The following DIP2C variants were observed in gnomAD, a reference collection of about 807,000 sequenced individuals.
DIP2C encodes the protein disco-interacting protein 2 homolog C.
A neutral mutation model predicts 192.4 loss-of-function variants in DIP2C; 33 were observed. That is an observed-to-expected ratio of 0.17 (90% CI 0.13 to 0.23). The LOEUF is 0.23. DIP2C is among the 10% of genes least tolerant of loss of function. The pLI is 1.00. For missense variants in DIP2C, 1,537 were observed against 2,110.1 expected (o/e 0.73, Z 5.32); for synonymous variants, 979 against 864.1 (o/e 1.13, Z -2.33).
intron 18 of DIP2C, among the ~76,000 whole-genome samples, chr10:367,129 A>C (rs950979205): frequency 6.6e-6 from 1 of 152,242 alleles, no homozygotes; most frequent in Non-Finnish European, 1.5e-5. Flanking sequence ...AGAAAGATTC[A>C]CATTAAGGCC....
chr10:491,552 G>C (rs929420191), intron 1 of DIP2C, among the ~76,000 whole-genome samples: 13 of 152,188 alleles, frequency 8.5e-5, no homozygotes, highest in Non-Finnish European at 7.3e-5. Context: ...GACAGGGGCA[G>C]GAGGACCTGG....
At chr10:521,400 T>A (rs1846699679) in intron 1 of DIP2C, among the ~76,000 whole-genome samples, 1 of 152,118 alleles carries the variant, frequency 6.6e-6, no homozygotes, top group South Asian at 2.1e-4. Context: ...TAAGGAAAAC[T>A]CGTCAAAAAA....
chr10:453,603 C>A (rs1969034442), intron 3 of DIP2C, among the ~76,000 whole-genome samples: 1 of 152,162 alleles, frequency 6.6e-6, no homozygotes, highest in South Asian at 2.1e-4. Context: ...GAAGTGACGG[C>A]TTAAAATTTC....
intron 2 of DIP2C, among the ~76,000 whole-genome samples, chr10:474,332 A>C (rs568474603): frequency 7.2e-4 from 109 of 152,204 alleles, no homozygotes; most frequent in African/African-American, 2.6e-3. Flanking sequence ...ATGATTCTGG[A>C]GTTAATATTT....
chr10:296,021 C>A (rs1327507015), intron 32 of DIP2C, among the ~76,000 whole-genome samples: 1 of 152,142 alleles, frequency 6.6e-6, no homozygotes, highest in East Asian at 1.9e-4. Context: ...TGGATATTAG[C>A]CCTTTGTCAA....
chr10:513,216 T>C (rs1846137597), intron 1 of DIP2C, among the ~76,000 whole-genome samples: 1 of 152,212 alleles, frequency 6.6e-6, no homozygotes, highest in African/African-American at 2.4e-5. Context: ...TAGTCGTTCA[T>C]GTTAGAATTT....
At chr10:599,808 G>A (rs1396610456) in intron 1 of DIP2C, among the ~76,000 whole-genome samples, 1 of 152,140 alleles carries the variant, frequency 6.6e-6, no homozygotes, top group Non-Finnish European at 1.5e-5. Flanking sequence ...GGGACGAGCT[G>A]TGTTTTAAGC....
intron 2 of DIP2C, among the ~76,000 whole-genome samples, chr10:485,956 G>C (rs937985423): frequency 3.9e-5 from 6 of 152,216 alleles, no homozygotes; most frequent in Non-Finnish European, 8.8e-5. Context: ...TGCACACGTA[G>C]AAACGCTGGC....
intron 29 of DIP2C, among the ~76,000 whole-genome samples, chr10:334,380 A>G (rs1380224339): frequency 6.6e-6 from 1 of 151,074 alleles, no homozygotes; most frequent in Non-Finnish European, 1.5e-5. Context: ...TATAATTTGC[A>G]AATATTTTTT....
intron 6 of DIP2C, among the ~76,000 whole-genome samples, chr10:416,697 A>AT (rs556286878): frequency 3.4e-4 from 52 of 152,322 alleles, no homozygotes; most frequent in Admixed American, 1.6e-3. Context: ...AGGTTTTCAA[A>AT]TTTTAAGATA....
chr10:407,041 ACT>A (rs574081563), intron 9 of DIP2C, among the ~76,000 whole-genome samples: 9 of 151,710 alleles, frequency 5.9e-5, no homozygotes, highest in Non-Finnish European at 1.3e-4. Flanking sequence ...ATCCTTAAAA[ACT>A]CTGAACGATC....
intron 1 of DIP2C, among the ~76,000 whole-genome samples, chr10:494,138 T>A (rs886480380): frequency 6.6e-6 from 1 of 152,230 alleles, no homozygotes; most frequent in African/African-American, 2.4e-5. Context: ...ACACACTATG[T>A]GACCCCCTTC....
chr10:400,472 T>A (rs1964327439), intron 9 of DIP2C, among the ~76,000 whole-genome samples: 1 of 152,272 alleles, frequency 6.6e-6, no homozygotes, highest in South Asian at 2.1e-4. Flanking sequence ...AGGTTACTTG[T>A]ACATGTGGGG....
intron 4 of DIP2C, among the ~76,000 whole-genome samples, chr10:429,867 G>C (rs907489518): frequency 1.3e-5 from 2 of 152,110 alleles, no homozygotes; most frequent in Non-Finnish European, 2.9e-5. Context: ...TTTGTATGTA[G>C]ACGTAAGTTT....
Position 448,161 on chromosome 10 carries a change from G to A in DIP2C, c.269-7165C>T, listed in dbSNP as rs1338296315. 3.8e-3 allele frequency among the ~76,000 whole-genome samples: 250 copies of A among 65,498 alleles called. 1 individual carries two copies. The highest frequency in any genetic ancestry group is 7.2e-3 in the South Asian group (14 of 1,942). 43.0% of individuals were successfully genotyped at this position (65,498 alleles called of 152,430 possible). On this transcript the variant is annotated intron_variant, in intron 3 of 36. Transcript: ENST00000280886. The stretch of plus-strand genomic sequence containing the variant: ...CACACACAGTGGGGCAGCAGGACCC[G>A]CTCACTCCCGTCGATACTCAGGATC...
At position 560,121 on chromosome 10, in the gene DIP2C, T is replaced by C. The variant is rs1307558006; in HGVS notation, c.86-73591A>G. ...TTTCACAGGGAAACCAAGACAATCATGATTTTAGAAACTGGGAGCTAGGTG... is the reference window on the plus strand; with the variant it reads ...TTTCACAGGGAAACCAAGACAATCACGATTTTAGAAACTGGGAGCTAGGTG... On this transcript the variant is annotated intron_variant, in intron 1 of 36. Transcript: ENST00000280886. 2.6e-5 allele frequency among the ~76,000 whole-genome samples: 4 copies of C among 152,114 alleles called. No individual in the cohort carries two copies. In the East Asian group the frequency reaches 5.8e-4, roughly 22 times the overall value.
At chr10:362,433 C>T (rs547059293) in intron 22 of DIP2C, 57 bp downstream of exon 22, 29 of 1,570,574 alleles carry the variant, frequency 1.8e-5, no homozygotes, top group Non-Finnish European at 2.3e-5. Context: ...CCTCCCAGTG[C>T]CGTGCAGCCC....
chr10:521,524 G>A (rs1336738102), intron 1 of DIP2C, among the ~76,000 whole-genome samples: 1 of 152,182 alleles, frequency 6.6e-6, no homozygotes, highest in South Asian at 2.1e-4. Flanking sequence ...TGCTCACTGG[G>A]GTGAGACCAT....
chr10:366,262 C>T lies in DIP2C; in HGVS notation c.2268+13G>A. On this transcript the variant is annotated intron_variant, in intron 19 of 36. Coordinates refer to ENST00000280886, the MANE Select transcript of DIP2C (RefSeq NM_014974.3). ...CACAGATGGTGCCCATGGTAAGACTCTCCTCCACCTACCTCAAAGGTGTTC... is the reference window on the plus strand; with the variant it reads ...CACAGATGGTGCCCATGGTAAGACTTTCCTCCACCTACCTCAAAGGTGTTC... 6.2e-7 allele frequency: 1 copy of T among 1,611,526 alleles called. No individual in the cohort carries two copies. Among genetic ancestry groups the T allele is most frequent in the Non-Finnish European group, 8.5e-7 (1 of 1,178,910 alleles).
Sources: allele counts gnomAD v4.1 joint callset (sites outside exome capture counted in the v4.1 genomes callset), GRCh38; gene constraint gnomAD v4.1.1; transcripts MANE v1.5; gene names NCBI Gene and HGNC (gene_info 2026-07-23, HGNC 2026-07-21).